Variants in CECR2 observed in about 807,000 individuals in gnomAD.
CECR2 encodes CECR2 histone acetyl-lysine reader, also known as chromatin remodeling regulator CECR2.
A neutral mutation model predicts 154.5 loss-of-function variants in CECR2; 30 were observed. That is an observed-to-expected ratio of 0.19 (90% confidence interval 0.15 to 0.26). The LOEUF (loss-of-function observed/expected upper bound fraction) is 0.26. Ranked by LOEUF, CECR2 falls within the 10% of genes least tolerant of loss-of-function variation. The pLI, the probability that CECR2 is intolerant of heterozygous loss-of-function variation, is 1.00. For missense variants in CECR2, 1,743 were observed against 1,829.3 expected, an observed-to-expected ratio of 0.95 and a Z score of 0.86; for synonymous variants, 725 against 683.7, an observed-to-expected ratio of 1.06 and a Z score of -0.94.
rs768994928 is a variant in CECR2, at chr22:17,549,117, G to A, written c.3830G>A (p.Gly1277Asp). Residue 1277 changes from glycine to aspartate, a missense_variant, in exon 17 of 19, where the codon GGT (glycine) becomes GAT (aspartate). Transcript: ENST00000262608. The stretch of plus-strand genomic sequence containing the variant: ...GTCCCAAATGACGGGCAGAATCCTG[G>A]TCCAGAGGAAGAGAAGCTGGATGAA... ...AKVPNDGQNP[G>D]PEEEKLDESM... 2 of 1,613,980 alleles carry A rather than the reference G, an allele frequency of 1.2e-6. No individual in the cohort carries two copies. The highest frequency in any genetic ancestry group is 1.7e-5 in the Admixed American group (1 of 60,018).
rs2056741600 is a variant in CECR2, at chr22:17,553,634, G to A, written c.*794G>A. 2 of 152,228 alleles carry A rather than the reference G, an allele frequency of 1.3e-5. No individual in the cohort carries two copies. Among genetic ancestry groups the A allele is most frequent in the South Asian group, 2.1e-4 (1 of 4,834 alleles). 9.4% of individuals were successfully genotyped at this position (152,228 alleles called of 1,614,324 possible). A position where few individuals can be genotyped will look rare whatever the true frequency, so the allele number is the denominator to read the frequency against. Reference sequence around the variant, plus strand: ...CATTGGAGGCAGACTGCTCTCAGGAGACTACTAGAAGCTTCAGCCCGGAAG... The same window carrying A: ...CATTGGAGGCAGACTGCTCTCAGGAAACTACTAGAAGCTTCAGCCCGGAAG... On this transcript the variant is annotated 3_prime_UTR_variant, in exon 19 of 19. Transcript: ENST00000262608.
intron 2 of CECR2, among the ~76,000 whole-genome samples, chr22:17,497,105 G>A (rs775284984): frequency 1.3e-5 from 2 of 152,092 alleles, no homozygotes; most frequent in African/African-American, 4.8e-5. Context: ...AACAGCCTGG[G>A]CAACATAGGG....
chr22:17,389,939 TTATACA>T (rs1225134952), intron 1 of CECR2, among the ~76,000 whole-genome samples: 3 of 152,196 alleles, frequency 2.0e-5, no homozygotes, highest in Non-Finnish European at 2.9e-5. Context: ...GAATATTCTC[TTATACA>T]TATAAGTACA....
At chr22:17,459,163 A>T (rs75034935) in intron 1 of CECR2, among the ~76,000 whole-genome samples, 1,717 of 152,336 alleles carry the variant, frequency 0.011, 28 homozygotes, top group African/African-American at 0.039. Flanking sequence ...TGTCCGTTGC[A>T]TATTCCAGTT....
Position 17,503,098 on chromosome 22 carries a change from A to G in CECR2, c.667A>G (p.Asn223Asp). 2.5e-6 allele frequency: 4 copies of G among 1,611,442 alleles called. No homozygotes were observed. Among genetic ancestry groups the G allele is most frequent in the Non-Finnish European group, 3.4e-6 (4 of 1,178,796 alleles). The change falls in exon 6 of 19, where the codon AAT becomes GAT. Residue 223 changes from asparagine (N) to aspartate (D), a missense_variant. Asn to Asp is a conservative substitution (Grantham distance 23, BLOSUM62 1). Around this residue, in one of 4 missense-constraint regions of CECR2, gnomAD observed 292 missense variants for 301.2 expected, o/e 0.97. Transcript: ENST00000262608. ...GTGTTTCAGTGAAAAGCAGGAAGAA[A>G]ATTCCTTGGCATCCGAGCCACAGAC... ...EILLSEKQEENSLASEPQTRH... is the reference protein window; with the variant it reads ...EILLSEKQEEDSLASEPQTRH...
At chr22:17,505,523 TCC>T (rs1167234267) in intron 7 of CECR2, among the ~76,000 whole-genome samples, 2 of 130,510 alleles carry the variant, frequency 1.5e-5, no homozygotes, top group Non-Finnish European at 3.3e-5. Flanking sequence ...ACATCCTTCA[TCC>T]TCTTTTTCCT....
chr22:17,402,820 C>T (rs947342739), intron 1 of CECR2, among the ~76,000 whole-genome samples: 1 of 144,588 alleles, frequency 6.9e-6, no homozygotes, highest in Non-Finnish European at 1.5e-5. Context: ...TGCAGTGGCG[C>T]AATCTCGGCT....
chr22:17,364,052 T>C (rs1395685031), intron 1 of CECR2, among the ~76,000 whole-genome samples: 1 of 152,056 alleles, frequency 6.6e-6, no homozygotes, highest in Non-Finnish European at 1.5e-5. Flanking sequence ...GTCAAGAATT[T>C]GTGCCATACT....
chr22:17,490,777 C>A (rs1170520183), intron 2 of CECR2, among the ~76,000 whole-genome samples: 2 of 152,094 alleles, frequency 1.3e-5, no homozygotes, highest in East Asian at 3.9e-4. Context: ...GTGTACAATT[C>A]ATTGGTTTTT....
chr22:17,510,315 C>G (rs1296756), intron 7 of CECR2, among the ~76,000 whole-genome samples: 131,072 of 152,202 alleles, frequency 0.86, 56,534 homozygotes, highest in East Asian at 1. Context: ...TTGAAGAGAT[C>G]TTGTTAGAGT....
At chr22:17,424,586 C>G (rs2054303377) in intron 1 of CECR2, 1 of 158,242 alleles carries the variant, frequency 6.3e-6, no homozygotes, top group East Asian at 1.9e-4. Context: ...TTGGATCTCT[C>G]CTCACACTTC....
chr22:17,420,795 T>C (rs940728300), intron 1 of CECR2, among the ~76,000 whole-genome samples: 2 of 152,228 alleles, frequency 1.3e-5, no homozygotes, highest in Admixed American at 1.3e-4. Flanking sequence ...TGTTTATCCG[T>C]ATGCATTTAT....
At chr22:17,545,374 C>CAAAAAA (rs695493) in intron 16 of CECR2, among the ~76,000 whole-genome samples, 55 of 46,328 alleles carry the variant, frequency 1.2e-3, no homozygotes, top group Admixed American at 1.7e-3. Context: ...GACTCCGTCT[C>CAAAAAA]AAAAAAAAAA....
At chr22:17,523,320 T>C (rs1163651234) in intron 8 of CECR2, among the ~76,000 whole-genome samples, 1 of 151,046 alleles carries the variant, frequency 6.6e-6, no homozygotes. Flanking sequence ...GAGGCAGAGG[T>C]TGTAGTGAGC....
At chr22:17,375,241 G>A (rs1265019319) in intron 1 of CECR2, among the ~76,000 whole-genome samples, 1 of 151,946 alleles carries the variant, frequency 6.6e-6, no homozygotes, top group Non-Finnish European at 1.5e-5. Flanking sequence ...AGCCTCCCAA[G>A]TAGCTGGGAT....
chr22:17,399,738 G>A (rs2053864563), intron 1 of CECR2, among the ~76,000 whole-genome samples: 1 of 152,138 alleles, frequency 6.6e-6, no homozygotes. Flanking sequence ...GGGAGGATGA[G>A]CACAAGTACA....
chr22:17,540,586 C>T lies in CECR2; in HGVS notation c.1670C>T (p.Ser557Phe), dbSNP rs1366385826. The T allele has an allele frequency of 1.2e-6, 2 of 1,613,094 alleles. No homozygotes were observed. Among genetic ancestry groups the T allele is most frequent in the Non-Finnish European group, 1.7e-6 (2 of 1,179,426 alleles). Residue 557 changes from serine to phenylalanine, a missense_variant, in exon 14 of 19, where the codon TCC becomes TTC. Physicochemically the swap from Ser to Phe is radical, Grantham distance 155. Transcript: ENST00000262608. ...GGTGGGAGCCATGTTTGGACCCGCTCCAGGGACCCAGAAGGGTCCAGCAGG... is the reference window on the plus strand; with the variant it reads ...GGTGGGAGCCATGTTTGGACCCGCTTCAGGGACCCAGAAGGGTCCAGCAGG... ...RSGGSHVWTR[S>F]RDPEGSSRKQ...
chr22:17,470,392 C>CAAAAAAAAAAAAAAAA, intron 1 of CECR2, among the ~76,000 whole-genome samples: 1 of 99,848 alleles, frequency 1.0e-5, no homozygotes, highest in Non-Finnish European at 2.2e-5. Context: ...GACTCCGTCT[C>CAAAAAAAAAAAAAAAA]AAAAAAAAAA....
intron 1 of CECR2, among the ~76,000 whole-genome samples, chr22:17,372,346 A>G (rs1248689433): frequency 1.3e-5 from 2 of 152,174 alleles, no homozygotes; most frequent in African/African-American, 2.4e-5. Context: ...GGGAATGATT[A>G]TATGTGAGAT....
Sources: allele counts gnomAD v4.1 joint callset (sites outside exome capture counted in the v4.1 genomes callset), GRCh38; gene constraint gnomAD v4.1.1; regional missense constraint gnomAD v4.1.1; transcripts MANE v1.5; gene names NCBI Gene and HGNC (gene_info 2026-07-23, HGNC 2026-07-21).